The following PLOD2 variants were observed in gnomAD, a reference collection of about 807,000 sequenced individuals.
PLOD2 encodes lysine hydroxylase 2.
In PLOD2, 65 loss-of-function variants were observed where a neutral mutation model predicts 101.0. The ratio of observed to expected loss-of-function variants is 0.64; its 90% CI spans 0.53 to 0.79. PLOD2 has a LOEUF of 0.79. Ranked by LOEUF, PLOD2 falls within the 30% of genes least tolerant of loss-of-function variation. The probability of loss-of-function intolerance (pLI) is 0.00; values close to 1 mark genes in which losing one functional copy is unlikely to be tolerated. For missense variants in PLOD2, 909 were observed against 914.6 expected, an observed-to-expected ratio of 0.99 and a Z score of 0.08; for synonymous variants, 314 against 302.9, an observed-to-expected ratio of 1.04 and a Z score of -0.38.
At chr3:146,155,681 C>T in intron 1 of PLOD2, among the ~76,000 whole-genome samples, 1 of 147,094 alleles carries the variant, frequency 6.8e-6, no homozygotes. Context: ...CGCCACTGCA[C>T]TCCAGCCTGG....
intron 2 of PLOD2, among the ~76,000 whole-genome samples, chr3:146,121,550 G>A (rs1477613978): frequency 6.6e-6 from 1 of 151,938 alleles, no homozygotes. Flanking sequence ...TATTTGTTTA[G>A]ACCATAAAGA....
rs1200979840 is a variant in PLOD2 at position 146,124,231 on chromosome 3, T to G, written c.110-2A>C. 12 of 1,525,176 alleles carry G rather than the reference T, an allele frequency of 7.9e-6. No individual in the cohort carries two copies. The highest frequency in any genetic ancestry group is 1.1e-5 in the Non-Finnish European group (12 of 1,099,916). The allele number at this position is 1,525,176 out of a possible 1,614,324, so 94.5% of individuals were successfully genotyped here. A position where few individuals can be genotyped will look rare whatever the true frequency, so the allele number is the denominator to read the frequency against. ...CTACAGTTATGACTAATAATTTATC[T>G]GCAAAGACAAAAGGAAACAAAAGAA... On this transcript the variant is annotated splice_acceptor_variant, in intron 1 of 19. Coordinates refer to ENST00000282903, the MANE Select transcript of PLOD2 (RefSeq NM_182943.3). LOFTEE classifies it high-confidence loss of function.
chr3:146,095,373 AAC>A (rs1213521818), intron 7 of PLOD2, among the ~76,000 whole-genome samples: 2 of 149,252 alleles, frequency 1.3e-5, no homozygotes, highest in African/African-American at 4.9e-5. Context: ...AAAAAAAAAA[AAC>A]CACTCCATCA....
intron 8 of PLOD2, among the ~76,000 whole-genome samples, chr3:146,091,441 A>C (rs1161403265): frequency 1.3e-5 from 2 of 151,900 alleles, no homozygotes; most frequent in Admixed American, 1.3e-4. Flanking sequence ...ATCAACTTTG[A>C]AAATCCAGCA....
At chr3:146,100,302 C>T (rs1325308756) in intron 7 of PLOD2, among the ~76,000 whole-genome samples, 2 of 152,086 alleles carry the variant, frequency 1.3e-5, no homozygotes, top group African/African-American at 2.4e-5. Flanking sequence ...TTGTTGAAAG[C>T]GTAGTATTCG....
chr3:146,076,809 G>A lies in PLOD2; in HGVS notation c.1650C>T (p.Asp550=). ...CAGGATTTTCAAAAATCTGCCAGAG[G>A]TCATTGTTATAATGGGAAGTATTGT... is the stretch of plus-strand genomic sequence containing the variant. The part of the protein sequence containing the change: ...ANYNTSHYNN[D]LWQIFENPVD... The change falls in exon 15 of 20, where the codon GAC becomes GAT. Residue 550 remains aspartate, a synonymous_variant. Transcript: ENST00000282903. 1 of 1,568,500 alleles carries A rather than the reference G, an allele frequency of 6.4e-7. No individual in the cohort carries two copies. Among genetic ancestry groups the A allele is most frequent in the Non-Finnish European group, 8.8e-7 (1 of 1,140,328 alleles).
chr3:146,126,384 C>A (rs1035088131), intron 1 of PLOD2, among the ~76,000 whole-genome samples: 13 of 152,036 alleles, frequency 8.6e-5, no homozygotes, highest in Admixed American at 7.2e-4. Flanking sequence ...GTATCACCCA[C>A]ATGCTTTTTT....
intron 3 of PLOD2, among the ~76,000 whole-genome samples, chr3:146,112,891 G>A (rs1186845337): frequency 2.0e-5 from 3 of 150,704 alleles, no homozygotes; most frequent in Non-Finnish European, 4.4e-5. Context: ...GGGGTAATAG[G>A]TGCGGCAAAC....
intron 11 of PLOD2, among the ~76,000 whole-genome samples, chr3:146,083,662 A>C (rs895567606): frequency 4.0e-4 from 57 of 141,026 alleles, no homozygotes; most frequent in African/African-American, 1.5e-3. Flanking sequence ...GCTCACTGCC[A>C]GCTCCACCTC....
chr3:146,123,330 T>TA (rs768191639), intron 2 of PLOD2: 207 of 1,092,294 alleles, frequency 1.9e-4, no homozygotes, highest in South Asian at 3.2e-4. Flanking sequence ...TTCTTTCTAT[T>TA]AAAAAAAACA....
rs1338428695 is a variant in PLOD2 at position 146,097,126 on chromosome 3, T to TG, written c.778-5226dup. On this transcript the variant is annotated intron_variant, in intron 7 of 19. Coordinates refer to ENST00000282903, the MANE Select transcript of PLOD2 (RefSeq NM_182943.3). ...CCAGTCGCCCTGTCCAGGAGGGAGGTGGGGGGGTCAGCCCCCCGCCCGGCC... is the reference window on the plus strand; with the variant it reads ...CCAGTCGCCCTGTCCAGGAGGGAGGTGGGGGGGGTCAGCCCCCCGCCCGGCC... Among the ~76,000 whole-genome samples the TG allele has an allele frequency of 3.2e-4, 35 of 109,418 alleles. No individual in the cohort carries two copies. The East Asian group carries it at 4.6e-3, about 14-fold the overall frequency. The allele number at this position is 109,418 out of a possible 152,430, so 71.8% of individuals were successfully genotyped here.
intron 14 of PLOD2, 143 bp from the exon 15 acceptor site, chr3:146,077,038 G>C: frequency 1.5e-6 from 2 of 1,293,834 alleles, no homozygotes; most frequent in Non-Finnish European, 2.0e-6. Flanking sequence ...TATAAAATGT[G>C]CATAGTTTAA....
At chr3:146,158,149 C>G (rs533899017) in intron 1 of PLOD2, among the ~76,000 whole-genome samples, 42 of 152,166 alleles carry the variant, frequency 2.8e-4, no homozygotes, top group African/African-American at 1.0e-3. Context: ...ATACATCCAC[C>G]TTCTCCTTAT....
At chr3:146,137,264 A>G (rs1361617162) in intron 1 of PLOD2, among the ~76,000 whole-genome samples, 1 of 152,148 alleles carries the variant, frequency 6.6e-6, no homozygotes, top group Non-Finnish European at 1.5e-5. Context: ...ATTTTGATGC[A>G]GTAAGAAGCT....
intron 1 of PLOD2, among the ~76,000 whole-genome samples, chr3:146,128,640 A>G (rs1017607237): frequency 4.6e-5 from 7 of 152,148 alleles, no homozygotes; most frequent in South Asian, 2.1e-4. Flanking sequence ...CAAGAAGTCA[A>G]TTTGTTTAGA....
At chr3:146,145,968 A>G (rs1391664227) in intron 1 of PLOD2, among the ~76,000 whole-genome samples, 3 of 152,200 alleles carry the variant, frequency 2.0e-5, no homozygotes, top group Non-Finnish European at 2.9e-5. Context: ...CGTCTCTTCC[A>G]TAAAAGTTAC....
At chr3:146,071,451 G>A in intron 17 of PLOD2, 28 bp from the exon 18 acceptor site, 1 of 1,605,474 alleles carries the variant, frequency 6.2e-7, no homozygotes, top group South Asian at 1.1e-5. Flanking sequence ...GACATAATAA[G>A]CTGTACTCCA....
At chr3:146,094,577 A>G (rs1322461628) in intron 7 of PLOD2, among the ~76,000 whole-genome samples, 1 of 152,250 alleles carries the variant, frequency 6.6e-6, no homozygotes, top group Non-Finnish European at 1.5e-5. Context: ...GCTCAAGGAA[A>G]TAAGAGAGAA....
Position 146,110,366 on chromosome 3 carries a change from C to G in PLOD2, c.421G>C (p.Asp141His). Reference sequence around the variant, plus strand: ...CTTTTATCTGGCCACAAAATTCCATCTGCTGCAAAGACCACTTTGTGGTTT... The same window carrying G: ...CTTTTATCTGGCCACAAAATTCCATGTGCTGCAAAGACCACTTTGTGGTTT... ...KANHKVVFAADGILWPDKRLA... is the reference protein window; with the variant it reads ...KANHKVVFAAHGILWPDKRLA... The change falls in exon 4 of 20, where the codon GAT (aspartate) becomes CAT (histidine). Residue 141 changes from aspartate to histidine, a missense_variant. Asp to His is a moderately conservative substitution (Grantham distance 81). Transcript: ENST00000282903. The G allele has an allele frequency of 6.2e-7, 1 of 1,613,744 alleles. No homozygotes were observed. Among genetic ancestry groups the G allele is most frequent in the Admixed American group, 1.7e-5 (1 of 60,008 alleles).
Sources: allele counts gnomAD v4.1 joint callset (sites outside exome capture counted in the v4.1 genomes callset), GRCh38; gene constraint gnomAD v4.1.1; transcripts MANE v1.5; gene names NCBI Gene and HGNC (gene_info 2026-07-23, HGNC 2026-07-21).